The following MOGAT1 variants were observed in gnomAD, a reference collection of about 807,000 sequenced individuals.
The protein encoded by MOGAT1 is monoacylglycerol O-acyltransferase 1.
In MOGAT1, 32 loss-of-function variants were observed where a neutral mutation model predicts 31.4. The observed-to-expected ratio is 1.02, with a 90% CI of 0.77 to 1.37. The LOEUF (loss-of-function observed/expected upper bound fraction) is 1.37. Among genes scored for constraint, MOGAT1 ranks in the 40% most tolerant of loss-of-function variants. The pLI, the probability that MOGAT1 is intolerant of heterozygous loss-of-function variation, is 0.00. For missense variants in MOGAT1, 426 were observed against 402.0 expected, an observed-to-expected ratio of 1.06 and a Z score of -0.51; for synonymous variants, 145 against 144.5, an observed-to-expected ratio of 1.00 and a Z score of -0.03.
intron 1 of MOGAT1, among the ~76,000 whole-genome samples, chr2:222,673,747 TTTTC>T (rs1366402956): frequency 6.6e-6 from 1 of 152,244 alleles, no homozygotes; most frequent in Admixed American, 6.5e-5. Context: ...GCCACTGTTC[TTTTC>T]TTTCATGGCA....
chr2:222,706,658 A>G (rs1464009286), intron 5 of MOGAT1, among the ~76,000 whole-genome samples: 1 of 152,168 alleles, frequency 6.6e-6, no homozygotes, highest in Admixed American at 6.5e-5. Context: ...AGAGAAGAAC[A>G]CACTTCATCT....
At chr2:222,709,565 A>G (rs896579587) in intron 5 of MOGAT1, among the ~76,000 whole-genome samples, 171 bp from the exon 6 acceptor site, 1 of 152,200 alleles carries the variant, frequency 6.6e-6, no homozygotes, top group African/African-American at 2.4e-5. Flanking sequence ...ATTTGTTATC[A>G]GATGGAGTGG....
rs898283019 is a variant in MOGAT1 at position 222,676,165 on chromosome 2, T to A, written c.94+4286T>A. 7.3e-5 allele frequency among the ~76,000 whole-genome samples: 11 copies of A among 151,228 alleles called. No homozygotes were observed. The South Asian group carries it at 8.4e-4, about 12-fold the overall frequency. ...CACTGATCTCCTTTTTTTTTTTTTT[T>A]AAATACAGACGGGGTCTCTCTATGT... is the stretch of plus-strand genomic sequence containing the variant. On this transcript the variant is annotated intron_variant, in intron 1 of 5. Transcript: ENST00000446656.
chr2:222,676,080 G>A (rs60237282), intron 1 of MOGAT1, among the ~76,000 whole-genome samples: 10,010 of 151,614 alleles, frequency 0.066, 716 homozygotes, highest in African/African-American at 0.18. Flanking sequence ...GTTTCATTTA[G>A]TAATAAAATC....
chr2:222,689,639 T>C (rs1052053234), intron 3 of MOGAT1, among the ~76,000 whole-genome samples, 170 bp downstream of exon 3: 8 of 152,216 alleles, frequency 5.3e-5, no homozygotes, highest in African/African-American at 1.9e-4. Flanking sequence ...CCCACTGGAC[T>C]GTAAGTGGCA....
At chr2:222,688,054 T>G (rs1692702746) in intron 1 of MOGAT1, among the ~76,000 whole-genome samples, 1 of 152,210 alleles carries the variant, frequency 6.6e-6, no homozygotes, top group Non-Finnish European at 1.5e-5. Flanking sequence ...TACCGATTCC[T>G]TCCACCTCCC....
chr2:222,693,389 A>C (rs1447458933), intron 3 of MOGAT1, among the ~76,000 whole-genome samples: 5 of 151,910 alleles, frequency 3.3e-5, no homozygotes, highest in Non-Finnish European at 5.9e-5. Flanking sequence ...CCAAAGTCAG[A>C]CTATACTTAT....
chr2:222,678,484 T>C (rs555351674), intron 1 of MOGAT1, among the ~76,000 whole-genome samples: 1 of 152,352 alleles, frequency 6.6e-6, no homozygotes, highest in Admixed American at 6.5e-5. Context: ...AGATATAAAG[T>C]CATTTATCAG....
At chr2:222,679,777 A>G (rs1448060683) in intron 1 of MOGAT1, among the ~76,000 whole-genome samples, 3 of 152,210 alleles carry the variant, frequency 2.0e-5, no homozygotes, top group South Asian at 2.1e-4. Context: ...AAGTGGAGTC[A>G]CTCATCCTAT....
intron 3 of MOGAT1, among the ~76,000 whole-genome samples, chr2:222,693,448 G>GTTT (rs11331017): frequency 4.3e-5 from 5 of 116,180 alleles, no homozygotes; most frequent in Non-Finnish European, 7.6e-5. Flanking sequence ...CAAATGTCTT[G>GTTT]TTTTTTTTTT....
intron 4 of MOGAT1, 106 bp downstream of exon 4, chr2:222,694,642 A>G (rs1574974962): frequency 9.1e-7 from 1 of 1,094,834 alleles, no homozygotes; most frequent in Non-Finnish European, 1.3e-6. Flanking sequence ...CCTCCTCCAA[A>G]TCGATCTGAC....
chr2:222,684,988 A>G (rs2106034783), intron 1 of MOGAT1, among the ~76,000 whole-genome samples: 1 of 152,342 alleles, frequency 6.6e-6, no homozygotes, highest in East Asian at 1.9e-4. Context: ...AATGAAGAGA[A>G]TGGTTGAATT....
intron 1 of MOGAT1, among the ~76,000 whole-genome samples, chr2:222,681,055 A>G (rs1442423760): frequency 6.6e-6 from 1 of 152,202 alleles, no homozygotes; most frequent in East Asian, 1.9e-4. Context: ...AGCGCTTTCA[A>G]GAAGCCACAG....
chr2:222,704,516 C>T (rs915639118), intron 5 of MOGAT1, among the ~76,000 whole-genome samples: 4 of 151,678 alleles, frequency 2.6e-5, no homozygotes, highest in Non-Finnish European at 4.4e-5. Context: ...CCCAGCTACT[C>T]GGGAGGCTGA....
chr2:222,679,203 C>T (rs926127201), intron 1 of MOGAT1, among the ~76,000 whole-genome samples: 3 of 152,154 alleles, frequency 2.0e-5, no homozygotes, highest in African/African-American at 7.2e-5. Flanking sequence ...CCCATATATG[C>T]ATGGGTTTAT....
chr2:222,687,139 AG>A (rs1434786194), intron 1 of MOGAT1, among the ~76,000 whole-genome samples: 54 of 59,908 alleles, frequency 9.0e-4, no homozygotes, highest in African/African-American at 2.5e-3. Context: ...AAAAAAAAAA[AG>A]AAAGAACAAG....
At position 222,694,432 on chromosome 2, in the gene MOGAT1, C is replaced by A. The variant is rs768236628; in HGVS notation, c.549C>A (p.Val183=). The stretch of plus-strand genomic sequence containing the variant: ...AGGAGGGAGGTGGAAACATCTCTGT[C>A]ATTGTCCTTGGGGGTGCAAAAGAAT... The part of the protein sequence containing the change: ...VSKEGGGNIS[V]IVLGGAKESL... The change falls in exon 4 of 6, where the codon GTC becomes GTA. Residue 183 remains valine (V), a synonymous_variant. Transcript: ENST00000446656. The A allele has an allele frequency of 5.0e-6, 8 of 1,613,700 alleles. No individual in the cohort carries two copies. Among genetic ancestry groups the A allele is most frequent in the African/African-American group, 1.3e-5 (1 of 74,922 alleles).
At position 222,707,831 on chromosome 2, in the gene MOGAT1, T is replaced by C. The variant is rs191547025; in HGVS notation, c.854-1905T>C. 2.0e-5 allele frequency among the ~76,000 whole-genome samples: 3 copies of C among 152,322 alleles called. No homozygotes were observed. The East Asian group carries it at 5.8e-4, about 29-fold the overall frequency. ...TGCCCCCTCAGCTCCCATACTGATGTCATTTATCACTTCCTTCTCTGTGAC... is the reference window on the plus strand; with the variant it reads ...TGCCCCCTCAGCTCCCATACTGATGCCATTTATCACTTCCTTCTCTGTGAC... On this transcript the variant is annotated intron_variant, in intron 5 of 5. Transcript: ENST00000446656.
chr2:222,683,732 A>T lies in MOGAT1; in HGVS notation c.95-4612A>T, dbSNP rs1255158380. The stretch of plus-strand genomic sequence containing the variant: ...ACAAAGTGAGACTCCGTTTCAAAAA[A>T]AAAAGTGAGTGAGGGACAGCTTCCT... On this transcript the variant is annotated intron_variant, in intron 1 of 5. Transcript: ENST00000446656. Among the ~76,000 whole-genome samples, 10 of 152,288 alleles carry T rather than the reference A, an allele frequency of 6.6e-5. No individual in the cohort carries two copies. In the South Asian group the frequency reaches 1.7e-3, roughly 25 times the overall value.
Sources: gnomAD v4.1 joint callset for allele counts (sites outside exome capture counted in the v4.1 genomes callset) on GRCh38, gnomAD v4.1.1 for gene constraint, MANE v1.5 for transcripts, NCBI Gene and HGNC (gene_info 2026-07-23, HGNC 2026-07-21) for gene names.